The following PIEZO2 variants were observed in gnomAD, a reference collection of about 807,000 sequenced individuals.
PIEZO2 encodes the protein piezo type mechanosensitive ion channel component 2.
A neutral mutation model predicts 337.3 loss-of-function variants in PIEZO2; 172 were observed. The ratio of observed to expected loss-of-function variants is 0.51; its 90% CI spans 0.45 to 0.58. The LOEUF (loss-of-function observed/expected upper bound fraction) is 0.58. Ranked by LOEUF, PIEZO2 falls within the 20% of genes least tolerant of loss-of-function variation. The pLI is 0.00. For missense variants in PIEZO2, 3,028 were observed against 3,391.3 expected (o/e 0.89, Z 2.66); for synonymous variants, 1,251 against 1,228.5 (o/e 1.02, Z -0.38).
In PIEZO2 at chr18:10,886,343, T is replaced by TATACACAC. The variant is rs561758653; in HGVS notation, c.330-14929_330-14928insGTGTGTAT. On this transcript the variant is annotated intron_variant, in intron 4 of 55. Coordinates refer to ENST00000674853, the MANE Select transcript of PIEZO2 (RefSeq NM_001378183.1). ...ACATACATATATATATATATATATA[T>TATACACAC]ACACACACACACACACACATATATA... is the stretch of plus-strand genomic sequence containing the variant. Among the ~76,000 whole-genome samples the TATACACAC allele has an allele frequency of 6.7e-4, 16 of 23,712 alleles. 3 individuals are homozygous for TATACACAC. The highest frequency in any genetic ancestry group is 4.0e-3 in the African/African-American group (13 of 3,216). The allele number at this position is 23,712 out of a possible 152,430, so 15.6% of individuals were successfully genotyped here.
Position 10,759,893 on chromosome 18 carries a change from GACATTAGGAA to G in PIEZO2, c.3457_3466del (p.Phe1153GlnfsTer14). 6.5e-7 allele frequency: 1 copy of G among 1,537,350 alleles called. No homozygotes were observed. The highest frequency in any genetic ancestry group is 8.7e-7 in the Non-Finnish European group (1 of 1,146,854). ...CATTCGCTGGCCAATGACGTTAACT[GACATTAGGAA>G]ACAGGTCTGTGTAAAGATGAAAAGA... On this transcript the variant is annotated frameshift_variant, in exon 25 of 56. Coordinates refer to ENST00000674853, the MANE Select transcript of PIEZO2 (RefSeq NM_001378183.1). LOFTEE classifies it high-confidence loss of function. This position sits in a 1 kb window ranked among gnomAD's most constrained non-coding sequence, Gnocchi z 5.5.
At chr18:10,948,178 C>G (rs1568229172) in intron 3 of PIEZO2, among the ~76,000 whole-genome samples, 1 of 151,750 alleles carries the variant, frequency 6.6e-6, no homozygotes, top group South Asian at 2.1e-4. Context: ...ATCTGCATGT[C>G]TTAAAAATAA....
chr18:11,128,197 G>A lies in PIEZO2; in HGVS notation c.64+20328C>T, dbSNP rs936785424. ...TCCTAAGTTCAGTGGACAAAGTGAT[G>A]AAAGAAAATGATGAACTCAGGGATT... is the stretch of plus-strand genomic sequence containing the variant. On this transcript the variant is annotated intron_variant, in intron 1 of 55. Transcript: ENST00000674853. This position sits in a 1 kb window ranked among gnomAD's most constrained non-coding sequence, Gnocchi z 4.1. Among the ~76,000 whole-genome samples, 2 of 152,134 alleles carry A rather than the reference G, an allele frequency of 1.3e-5. No homozygotes were observed. The highest frequency in any genetic ancestry group is 4.8e-5 in the African/African-American group (2 of 41,408).
At position 10,872,474 on chromosome 18, in the gene PIEZO2, A is replaced by T. The variant is rs1415077394; in HGVS notation, c.330-1059T>A. 6.6e-6 allele frequency among the ~76,000 whole-genome samples: 1 copy of T among 152,210 alleles called. No homozygotes were observed. The highest frequency in any genetic ancestry group is 1.5e-5 in the Non-Finnish European group (1 of 68,042). ...TACTGAGTTGCCAGCATAGTTGGCC[A>T]GCACACATCACCTCAGCTGAAATGT... On this transcript the variant is annotated intron_variant, in intron 4 of 55. Transcript: ENST00000674853. This position sits in a 1 kb window ranked among gnomAD's most constrained non-coding sequence, Gnocchi z 4.3.
intron 3 of PIEZO2, among the ~76,000 whole-genome samples, chr18:10,937,401 C>T (rs1471139103): frequency 2.0e-5 from 3 of 152,106 alleles, no homozygotes; most frequent in Non-Finnish European, 4.4e-5. Flanking sequence ...GTCCCAGGCC[C>T]ACAATACTGG....
intron 2 of PIEZO2, among the ~76,000 whole-genome samples, chr18:11,051,428 T>A (rs1377074192): frequency 2.6e-5 from 4 of 151,890 alleles, no homozygotes; most frequent in Admixed American, 2.6e-4. Flanking sequence ...GATTAGATGA[T>A]GATTCTTCTA....
In PIEZO2 at chr18:10,713,976, G is replaced by A. The variant is rs554611453; in HGVS notation, c.5423+788C>T. 6.6e-6 allele frequency among the ~76,000 whole-genome samples: 1 copy of A among 152,260 alleles called. No homozygotes were observed. Among genetic ancestry groups the A allele is most frequent in the Admixed American group, 6.5e-5 (1 of 15,296 alleles). On this transcript the variant is annotated intron_variant, in intron 39 of 55. Coordinates refer to ENST00000674853, the MANE Select transcript of PIEZO2 (RefSeq NM_001378183.1). This position sits in a 1 kb window ranked among gnomAD's most constrained non-coding sequence, Gnocchi z 4.5. ...TGGGACAGGCAGTAAGTTGGTCTGC[G>A]GTGCAGGAAGAGGCAATGAGAGACA...
intron 45 of PIEZO2, 23 bp from the exon 46 acceptor site, chr18:10,696,562 C>G: frequency 1.2e-6 from 2 of 1,612,086 alleles, no homozygotes; most frequent in Non-Finnish European, 1.7e-6. Context: ...GACCCCCACC[C>G]CCAACCCACT....
intron 7 of PIEZO2, among the ~76,000 whole-genome samples, chr18:10,838,165 T>A (rs2041077791): frequency 6.6e-6 from 1 of 152,200 alleles, no homozygotes; most frequent in African/African-American, 2.4e-5. Flanking sequence ...TGGCATCCCA[T>A]CCTATAATAC....
rs773611781 is a variant in PIEZO2 at position 10,847,825 on chromosome 18, A to G, written c.917+7528T>C. Among the ~76,000 whole-genome samples the G allele has an allele frequency of 1.2e-4, 18 of 152,236 alleles. No homozygotes were observed. The highest frequency in any genetic ancestry group is 2.2e-4 in the Non-Finnish European group (15 of 68,034). On this transcript the variant is annotated intron_variant, in intron 7 of 55. Coordinates refer to ENST00000674853, the MANE Select transcript of PIEZO2 (RefSeq NM_001378183.1). The surrounding 1 kb of genome is among the most constrained non-coding windows in gnomAD (Gnocchi z 5.7). ...CTTGTTTATCATGTATCATCTGCCA[A>G]CTTCACAAATTAAACACTAGAGATT...
intron 7 of PIEZO2, among the ~76,000 whole-genome samples, chr18:10,848,633 A>C (rs1336255745): frequency 6.6e-6 from 1 of 152,164 alleles, no homozygotes; most frequent in South Asian, 2.1e-4. Flanking sequence ...GCAGCAAAAC[A>C]ACAAACTGAA....
rs1178720439 is a variant in PIEZO2 at position 11,127,077 on chromosome 18, G to C, written c.64+21448C>G. On this transcript the variant is annotated intron_variant, in intron 1 of 55. Transcript: ENST00000674853. This position sits in a 1 kb window ranked among gnomAD's most constrained non-coding sequence, Gnocchi z 4.5. ...AGTTGGAGGAGAGAGAAGGAGGCAG[G>C]AGGCAGATATTACTAACCAAACTCA... is the stretch of plus-strand genomic sequence containing the variant. Among the ~76,000 whole-genome samples, 1 of 152,148 alleles carries C rather than the reference G, an allele frequency of 6.6e-6. No homozygotes were observed. The highest frequency in any genetic ancestry group is 1.5e-5 in the Non-Finnish European group (1 of 68,022).
At chr18:11,107,448 TAC>T (rs1349316054) in intron 1 of PIEZO2, among the ~76,000 whole-genome samples, 1 of 152,184 alleles carries the variant, frequency 6.6e-6, no homozygotes, top group East Asian at 1.9e-4. Context: ...TAATTTCATG[TAC>T]AGAGTTTTTT....
chr18:10,884,896 G>T (rs2042530710), intron 4 of PIEZO2, among the ~76,000 whole-genome samples: 1 of 151,772 alleles, frequency 6.6e-6, no homozygotes, highest in East Asian at 1.9e-4. Flanking sequence ...AAAACAGCAT[G>T]AACTTTGGAC....
Position 11,129,315 on chromosome 18 carries a change from C to G in PIEZO2, c.64+19210G>C, listed in dbSNP as rs1424977051. 6.7e-4 allele frequency among the ~76,000 whole-genome samples: 102 copies of G among 152,304 alleles called. No individual in the cohort carries two copies. The highest frequency in any genetic ancestry group is 2.4e-3 in the African/African-American group (100 of 41,564). On this transcript the variant is annotated intron_variant, in intron 1 of 55. Transcript: ENST00000674853. The surrounding 1 kb of genome is among the most constrained non-coding windows in gnomAD (Gnocchi z 4.6). ...CGAGGTGGCAGGGACCAAGTGGCAG[C>G]ACTCAACTGTCAAAGGCAAGGTAGG... is the stretch of plus-strand genomic sequence containing the variant.
chr18:10,799,440 T>A (rs1391157859), intron 11 of PIEZO2, among the ~76,000 whole-genome samples: 1 of 152,174 alleles, frequency 6.6e-6, no homozygotes, highest in African/African-American at 2.4e-5. Flanking sequence ...ATTCCAGAAG[T>A]GTCCATTTCT....
rs181722585 is a variant in PIEZO2 at position 10,922,357 on chromosome 18, C to G, written c.287-11129G>C. Among the ~76,000 whole-genome samples the G allele has an allele frequency of 1.9e-4, 29 of 152,052 alleles. No individual in the cohort carries two copies. In the East Asian group the frequency reaches 3.7e-3, roughly 19 times the overall value. On this transcript the variant is annotated intron_variant, in intron 3 of 55. Transcript: ENST00000674853. Reference sequence around the variant, plus strand: ...TCGGGGCAGATTCCCTGATACTTCTCTTTTTAAAAAAACAGAAAAAACGGA... The same window carrying G: ...TCGGGGCAGATTCCCTGATACTTCTGTTTTTAAAAAAACAGAAAAAACGGA...
chr18:10,864,298 C>T (rs2041950793), intron 5 of PIEZO2, among the ~76,000 whole-genome samples: 1 of 152,090 alleles, frequency 6.6e-6, no homozygotes, highest in South Asian at 2.1e-4. Flanking sequence ...GTGCTAGGTC[C>T]AGGGTGGGAT....
Position 10,822,616 on chromosome 18 carries a change from A to G in PIEZO2, c.918-15342T>C, listed in dbSNP as rs115928524. On this transcript the variant is annotated intron_variant, in intron 7 of 55. Coordinates refer to ENST00000674853, the MANE Select transcript of PIEZO2 (RefSeq NM_001378183.1). ...GTGTCTGCTGGCCTCCAATCAGCCT[A>G]GTGGAATCAGCTCTCATAGGTCGGG... is the stretch of plus-strand genomic sequence containing the variant. Among the ~76,000 whole-genome samples the G allele has an allele frequency of 9.9e-3, 1,513 of 152,274 alleles. 27 individuals are homozygous for G. The highest frequency in any genetic ancestry group is 0.035 in the African/African-American group (1,435 of 41,536).
Sources: gnomAD v4.1 joint callset for allele counts (sites outside exome capture counted in the v4.1 genomes callset) on GRCh38, gnomAD v4.1.1 for gene constraint, Gnocchi (gnomAD v3.1) non-coding constraint, MANE v1.5 for transcripts, NCBI Gene and HGNC (gene_info 2026-07-23, HGNC 2026-07-21) for gene names.